ACADM: variants seen among roughly 807,000 people sequenced by gnomAD.
ACADM encodes the protein medium-chain specific acyl-CoA dehydrogenase, mitochondrial.
ACADM carries 49 observed loss-of-function variants against 58.9 expected under a neutral mutation model. The ratio of observed to expected loss-of-function variants is 0.83; its 90% CI spans 0.66 to 1.06. The LOEUF (loss-of-function observed/expected upper bound fraction) is 1.06, where lower values mean the gene tolerates loss of function less well. ACADM is among the 50% of genes least tolerant of loss of function. The probability of loss-of-function intolerance (pLI) is 0.00; values close to 1 mark genes in which losing one functional copy is unlikely to be tolerated. For missense variants in ACADM, 496 were observed against 507.0 expected, an observed-to-expected ratio of 0.98 and a Z score of 0.21; for synonymous variants, 160 against 157.7, an observed-to-expected ratio of 1.01 and a Z score of -0.11.
intron 7 of ACADM, chr1:75,745,553 C>G (rs575932119): frequency 2.4e-5 from 12 of 494,620 alleles, no homozygotes; most frequent in East Asian, 1.9e-4. Flanking sequence ...CTGCGGGTAA[C>G]TGAAACCACA....
At position 75,732,530 on chromosome 1, in the gene ACADM, T is replaced by G. The variant is rs1570860932; in HGVS notation, c.119-114T>G. 13 of 869,524 alleles carry G rather than the reference T, an allele frequency of 1.5e-5. No individual in the cohort carries two copies. The South Asian group carries it at 1.5e-4, about 10-fold the overall frequency. 53.9% of individuals were successfully genotyped at this position (869,524 alleles called of 1,614,324 possible). ...CAAAAAATGCACTGTAGTCTGAGTT[T>G]CTGATAATCAAGGATTTAAGTCCCC... On this transcript the variant is annotated intron_variant, in intron 2 of 11. Coordinates refer to ENST00000370841, the MANE Select transcript of ACADM (RefSeq NM_000016.6).
chr1:75,724,907 G>A, intron 1 of ACADM, 90 bp downstream of exon 1: 2 of 1,282,660 alleles, frequency 1.6e-6, no homozygotes, highest in Non-Finnish European at 1.0e-6. Flanking sequence ...AGGTGCGGCC[G>A]GGAGGAGTGG....
intron 10 of ACADM, among the ~76,000 whole-genome samples, chr1:75,754,342 G>A (rs544668812): frequency 6.6e-6 from 1 of 151,666 alleles, no homozygotes; most frequent in Non-Finnish European, 1.5e-5. Context: ...CGAGTAGCTG[G>A]GTTTACAGGT....
At chr1:75,732,479 T>C (rs945293026) in intron 2 of ACADM, 165 bp from the exon 3 acceptor site, 3 of 655,612 alleles carry the variant, frequency 4.6e-6, no homozygotes, top group Admixed American at 5.4e-5. Flanking sequence ...GGTTTATTTA[T>C]ATTGTGTAGT....
rs1647735154 is a variant in ACADM at position 75,743,958 on chromosome 1, T to C, written c.600-1848T>C. 17 of 1,545,096 alleles carry C rather than the reference T, an allele frequency of 1.1e-5. No individual in the cohort carries two copies. In the South Asian group the frequency reaches 1.2e-4, roughly 11 times the overall value. On this transcript the variant is annotated intron_variant, in intron 7 of 11. Coordinates refer to ENST00000370841, the MANE Select transcript of ACADM (RefSeq NM_000016.6). The stretch of plus-strand genomic sequence containing the variant: ...ACATGAAGCCTAGTTTGAGGTTATG[T>C]TTCTTCAAAAAAGCCTCTTTGTGCC...
intron 1 of ACADM, among the ~76,000 whole-genome samples, chr1:75,727,393 A>G (rs1647073508): frequency 6.6e-6 from 1 of 152,216 alleles, no homozygotes; most frequent in Admixed American, 6.5e-5. Flanking sequence ...CTTAGTATCT[A>G]AGCTTGTTAA....
chr1:75,755,714 A>G (rs947297957), intron 10 of ACADM, among the ~76,000 whole-genome samples: 1 of 152,246 alleles, frequency 6.6e-6, no homozygotes. Flanking sequence ...CTTCTCCTCC[A>G]AAGGAATGCA....
intron 11 of ACADM, among the ~76,000 whole-genome samples, chr1:75,761,898 C>T (rs1394850026): frequency 6.6e-6 from 1 of 152,218 alleles, no homozygotes; most frequent in Non-Finnish European, 1.5e-5. Context: ...ATAATTACCA[C>T]ATTCTTGCTC....
intron 10 of ACADM, among the ~76,000 whole-genome samples, chr1:75,751,982 ACCT>A (rs1381207668): frequency 2.2e-5 from 3 of 137,738 alleles, no homozygotes; most frequent in African/African-American, 8.4e-5. Context: ...TGTATAGTGA[ACCT>A]CCTATTTCTC....
intron 5 of ACADM, 56 bp downstream of exon 5, chr1:75,733,684 C>A: frequency 7.2e-7 from 1 of 1,388,068 alleles, no homozygotes; most frequent in Non-Finnish European, 1.0e-6. Flanking sequence ...GAGATAGTTA[C>A]TCCTGAAGAA....
At chr1:75,733,083 A>G (rs555153199) in intron 4 of ACADM, 161 bp downstream of exon 4, 11 of 1,613,028 alleles carry the variant, frequency 6.8e-6, no homozygotes, top group Middle Eastern at 3.3e-4. Flanking sequence ...GGAAGCTTGC[A>G]CTCTATACCT....
At chr1:75,754,740 C>T (rs909821182) in intron 10 of ACADM, among the ~76,000 whole-genome samples, 2 of 152,314 alleles carry the variant, frequency 1.3e-5, no homozygotes, top group African/African-American at 2.4e-5. Context: ...GCTGAGGTAC[C>T]GGGTTCATCT....
At chr1:75,732,987 T>C (rs1647173925) in intron 4 of ACADM, 65 bp downstream of exon 4, 2 of 1,613,396 alleles carry the variant, frequency 1.2e-6, no homozygotes, top group Non-Finnish European at 1.7e-6. Flanking sequence ...GGAACTCTAC[T>C]CAGTCATTTT....
intron 7 of ACADM, chr1:75,744,372 T>A: frequency 6.4e-7 from 1 of 1,564,540 alleles, no homozygotes; most frequent in Non-Finnish European, 8.8e-7. Context: ...GAGTGCCTCC[T>A]TCGACTTTTC....
At position 75,733,305 on chromosome 1, in the gene ACADM, T is replaced by G. The variant is rs41291508; in HGVS notation, c.287-223T>G. ...TAACAAAATCAAGTTAGAACAGGAA[T>G]ACAGGTTCAAATTACAAATAGTAAA... On this transcript the variant is annotated intron_variant, in intron 4 of 11. Transcript: ENST00000370841. 11,282 of 1,169,144 alleles carry G rather than the reference T, an allele frequency of 9.6e-3. 72 individuals are homozygous for G. Among genetic ancestry groups the G allele is most frequent in the Non-Finnish European group, 0.011 (9,161 of 847,048 alleles). 72.4% of individuals were successfully genotyped at this position (1,169,144 alleles called of 1,614,324 possible). A position where few individuals can be genotyped will look rare whatever the true frequency, so the allele number is the denominator to read the frequency against.
At chr1:75,750,820 T>A in intron 10 of ACADM, 1 of 470,256 alleles carries the variant, frequency 2.1e-6, no homozygotes, top group Non-Finnish European at 3.9e-6. Context: ...ACAATCTCGG[T>A]TCACCACAGT....
In ACADM at chr1:75,749,569, A is replaced by C; in HGVS notation, c.849+10A>C. The C allele has an allele frequency of 6.2e-7, 1 of 1,611,904 alleles. No individual in the cohort carries two copies. Among genetic ancestry groups the C allele is most frequent in the Non-Finnish European group, 8.5e-7 (1 of 1,178,158 alleles). On this transcript the variant is annotated intron_variant, in intron 9 of 11. Coordinates refer to ENST00000370841, the MANE Select transcript of ACADM (RefSeq NM_000016.6). ...TAAAACCAGACCTGTAGTAAGTAAT[A>C]TGGGTTCATAATCTTTATAGGATCT... is the stretch of plus-strand genomic sequence containing the variant.
intron 8 of ACADM, among the ~76,000 whole-genome samples, chr1:75,748,798 GT>G (rs1648038876): frequency 6.6e-6 from 1 of 152,136 alleles, no homozygotes; most frequent in Non-Finnish European, 1.5e-5. Flanking sequence ...CATGGTGGTG[GT>G]TACACACATA....
intron 2 of ACADM, among the ~76,000 whole-genome samples, chr1:75,731,891 A>C (rs1307948997): frequency 1.3e-5 from 2 of 152,082 alleles, no homozygotes; most frequent in African/African-American, 4.8e-5. Context: ...AGATAGGGTG[A>C]GGTGGCTCCC....
Sources: gnomAD v4.1 joint callset for allele counts (sites outside exome capture counted in the v4.1 genomes callset) on GRCh38, gnomAD v4.1.1 for gene constraint, MANE v1.5 for transcripts, NCBI Gene and HGNC (gene_info 2026-07-23, HGNC 2026-07-21) for gene names.